FNDC3A: variants seen among roughly 807,000 people sequenced by gnomAD.
FNDC3A encodes the protein fibronectin type-III domain-containing protein 3A.
FNDC3A carries 32 observed loss-of-function variants against 148.9 expected under a neutral mutation model. That is an observed-to-expected ratio of 0.21 (90% CI 0.16 to 0.29). FNDC3A has a LOEUF of 0.29. Ranked by LOEUF, FNDC3A falls within the 10% of genes least tolerant of loss-of-function variation. FNDC3A has a pLI of 1.00. For missense variants in FNDC3A, 1,191 were observed against 1,452.8 expected, an observed-to-expected ratio of 0.82 and a Z score of 2.93; for synonymous variants, 472 against 473.6, an observed-to-expected ratio of 1.00 and a Z score of 0.04.
In FNDC3A at chr13:49,075,607, A is replaced by G. The variant is rs573109444; in HGVS notation, c.175+243A>G. Among the ~76,000 whole-genome samples, 14 of 152,306 alleles carry G rather than the reference A, an allele frequency of 9.2e-5. No individual in the cohort carries two copies. The South Asian group carries it at 2.9e-3, about 32-fold the overall frequency. On this transcript the variant is annotated intron_variant, in intron 3 of 25. Coordinates refer to ENST00000492622, the MANE Select transcript of FNDC3A (RefSeq NM_001079673.2). The stretch of plus-strand genomic sequence containing the variant: ...TATTGTTCATGTCTCTTTCCTGTTC[A>G]GCAATCTTTATCAAATCTAGTCCAG...
chr13:49,157,693 G>T (rs1274494110), intron 8 of FNDC3A, among the ~76,000 whole-genome samples: 6 of 142,944 alleles, frequency 4.2e-5, no homozygotes, highest in African/African-American at 1.6e-4. Flanking sequence ...GTACAGATGG[G>T]TTTTTGGTGT....
intron 3 of FNDC3A, chr13:49,110,253 G>C (rs2137863067): frequency 2.7e-6 from 3 of 1,130,780 alleles, no homozygotes; most frequent in Non-Finnish European, 2.4e-6. Flanking sequence ...GTCACGTGAT[G>C]ACTGTCACGT....
intron 2 of FNDC3A, among the ~76,000 whole-genome samples, chr13:49,055,346 A>T (rs948985378): frequency 6.6e-6 from 1 of 151,308 alleles, no homozygotes; most frequent in Non-Finnish European, 1.5e-5. Context: ...AGGCCCCCCA[A>T]CCATCTGAAT....
In FNDC3A at chr13:49,138,729, A is replaced by G; in HGVS notation, c.761-18A>G. ...TAAGTTCTTTTTTTTAAATATTCAA[A>G]TGTTTTATTTTTTTAAGAAAAAGAT... On this transcript the variant is annotated intron_variant, in intron 6 of 25. Coordinates refer to ENST00000492622, the MANE Select transcript of FNDC3A (RefSeq NM_001079673.2). The G allele has an allele frequency of 7.9e-7, 1 of 1,271,344 alleles. No homozygotes were observed. Among genetic ancestry groups the G allele is most frequent in the Non-Finnish European group, 1.1e-6 (1 of 901,950 alleles). The allele number at this position is 1,271,344 out of a possible 1,614,324, so 78.8% of individuals were successfully genotyped here.
intron 3 of FNDC3A, among the ~76,000 whole-genome samples, chr13:49,102,036 C>G (rs1879890601): frequency 6.6e-6 from 1 of 151,998 alleles, no homozygotes; most frequent in Non-Finnish European, 1.5e-5. Flanking sequence ...ATTTATCTCA[C>G]TGTTTTGCCC....
At chr13:49,114,304 T>C (rs943887173) in intron 3 of FNDC3A, among the ~76,000 whole-genome samples, 1 of 152,084 alleles carries the variant, frequency 6.6e-6, no homozygotes, top group Admixed American at 6.6e-5. Context: ...TACACTATTA[T>C]AAGAGTCACC....
chr13:49,204,429 T>G (rs1886556749), intron 25 of FNDC3A, among the ~76,000 whole-genome samples: 2 of 152,216 alleles, frequency 1.3e-5, no homozygotes, highest in African/African-American at 4.8e-5. Context: ...TTTGTTTTAT[T>G]CCAGTATTGT....
chr13:49,002,730 C>G (rs967232058), intron 1 of FNDC3A, among the ~76,000 whole-genome samples: 7 of 152,144 alleles, frequency 4.6e-5, no homozygotes, highest in Non-Finnish European at 1.0e-4. Flanking sequence ...GTTTTTCATG[C>G]ATGTTGTGTT....
chr13:49,006,827 A>G (rs866571908), intron 2 of FNDC3A, among the ~76,000 whole-genome samples: 4 of 152,204 alleles, frequency 2.6e-5, no homozygotes, highest in Middle Eastern at 3.4e-3. Flanking sequence ...AGCTTTCACA[A>G]GTACTTATTA....
chr13:49,069,204 A>AGG (rs1188922179), intron 2 of FNDC3A, among the ~76,000 whole-genome samples: 1 of 152,220 alleles, frequency 6.6e-6, no homozygotes, highest in African/African-American at 2.4e-5. Flanking sequence ...AGTAAGCCTA[A>AGG]GGAGAACAAA....
chr13:48,990,756 C>G (rs997670961), intron 1 of FNDC3A, among the ~76,000 whole-genome samples: 4 of 152,010 alleles, frequency 2.6e-5, no homozygotes, highest in Non-Finnish European at 5.9e-5. Flanking sequence ...AGACCCTGCC[C>G]TCCCCTAAAA....
intron 2 of FNDC3A, among the ~76,000 whole-genome samples, chr13:49,074,257 C>A (rs1477499001): frequency 6.6e-6 from 1 of 152,078 alleles, no homozygotes; most frequent in Non-Finnish European, 1.5e-5. Context: ...CTCCCCGCAT[C>A]CCGAAAGTTG....
Position 49,136,345 on chromosome 13 carries a change from A to G in FNDC3A, c.504A>G (p.Thr168=). Residue 168 remains threonine (T), a synonymous_variant, in exon 6 of 26, where the codon ACA becomes ACG. Transcript: ENST00000492622. ...QVYGDVDAHS[T]HGRSNFRDER... ...ATTGCCTCCTAGATGCTCACTCTAC[A>G]CATGGAAGGTCCAACTTTAGAGATG... The G allele has an allele frequency of 6.2e-7, 1 of 1,614,036 alleles. No individual in the cohort carries two copies. The highest frequency in any genetic ancestry group is 2.2e-5 in the East Asian group (1 of 44,864).
chr13:49,180,222 C>G (rs775478923), intron 14 of FNDC3A, among the ~76,000 whole-genome samples: 7 of 152,060 alleles, frequency 4.6e-5, no homozygotes, highest in Non-Finnish European at 8.8e-5. Flanking sequence ...TTGATAAATT[C>G]AACATTTAAA....
chr13:49,104,413 A>G (rs1313902768), intron 3 of FNDC3A, among the ~76,000 whole-genome samples: 1 of 152,056 alleles, frequency 6.6e-6, no homozygotes, highest in Non-Finnish European at 1.5e-5. Context: ...AGTCCCAGCT[A>G]CTCGGGATGC....
At chr13:49,199,240 C>T (rs1026921873) in intron 23 of FNDC3A, among the ~76,000 whole-genome samples, 3 of 151,844 alleles carry the variant, frequency 2.0e-5, no homozygotes, top group African/African-American at 4.8e-5. Context: ...ACACTGGTCT[C>T]GAACTCCTGG....
intron 4 of FNDC3A, among the ~76,000 whole-genome samples, chr13:49,125,414 T>C (rs1452618483): frequency 6.6e-6 from 1 of 152,212 alleles, no homozygotes; most frequent in African/African-American, 2.4e-5. Context: ...GAATGGCCTA[T>C]GTTATTGTTT....
chr13:49,004,853 T>C (rs1952192516), intron 1 of FNDC3A, among the ~76,000 whole-genome samples: 1 of 151,942 alleles, frequency 6.6e-6, no homozygotes, highest in African/African-American at 2.4e-5. Flanking sequence ...ACTCTTGTGA[T>C]ATGCAAGTGG....
At chr13:49,138,921 A>G (rs959902385) in intron 7 of FNDC3A, 116 bp downstream of exon 7, 1 of 503,156 alleles carries the variant, frequency 2.0e-6, no homozygotes, top group African/African-American at 2.0e-5. Flanking sequence ...ATCATACTGT[A>G]TTCTGTGACA....
Sources: allele counts gnomAD v4.1 joint callset (sites outside exome capture counted in the v4.1 genomes callset), GRCh38; gene constraint gnomAD v4.1.1; transcripts MANE v1.5; gene names NCBI Gene and HGNC (gene_info 2026-07-23, HGNC 2026-07-21).